ASIC2: variants seen among roughly 807,000 people sequenced by gnomAD.
ASIC2 encodes acid sensing ion channel subunit 2.
In ASIC2, 25 loss-of-function variants were observed where a neutral mutation model predicts 57.3. The observed-to-expected ratio is 0.44, with a 90% CI of 0.32 to 0.61. ASIC2 has a LOEUF of 0.61. Ranked by LOEUF, ASIC2 falls within the 20% of genes least tolerant of loss-of-function variation. The probability of loss-of-function intolerance (pLI) is 0.06; values close to 1 mark genes in which losing one functional copy is unlikely to be tolerated. For missense variants in ASIC2, 641 were observed against 738.1 expected, an observed-to-expected ratio of 0.87 and a Z score of 1.52; for synonymous variants, 319 against 307.5, an observed-to-expected ratio of 1.04 and a Z score of -0.39.
At position 33,070,621 on chromosome 17, in the gene ASIC2, C is replaced by G. The variant is rs145362353; in HGVS notation, c.987+18242G>C. On this transcript the variant is annotated intron_variant, in intron 3 of 9. Coordinates refer to ENST00000225823, the MANE Select transcript of ASIC2 (RefSeq NM_183377.2). ...AAAGTGCTGGGATTACAGGTGTGAG[C>G]CACCACGCCCAGCCTTTTGCCACTA... Among the ~76,000 whole-genome samples the G allele has an allele frequency of 1.8e-3, 281 of 152,282 alleles. 3 individuals carry two copies. The highest frequency in any genetic ancestry group is 6.2e-3 in the African/African-American group (258 of 41,562).
chr17:33,387,710 C>G (rs1029774813), intron 1 of ASIC2, among the ~76,000 whole-genome samples: 10 of 152,206 alleles, frequency 6.6e-5, no homozygotes, highest in African/African-American at 2.4e-4. Context: ...GCCCGGAAAG[C>G]AATCTTCTAA....
chr17:33,603,290 A>C (rs1905152500), intron 1 of ASIC2, among the ~76,000 whole-genome samples: 1 of 152,190 alleles, frequency 6.6e-6, no homozygotes, highest in Non-Finnish European at 1.5e-5. Flanking sequence ...TTCCCCACTA[A>C]GGAGGCATCT....
chr17:33,925,972 T>C (rs1915814493), intron 1 of ASIC2, among the ~76,000 whole-genome samples: 1 of 152,216 alleles, frequency 6.6e-6, no homozygotes, highest in Admixed American at 6.6e-5. Context: ...TTTTTTTAGA[T>C]GCAGAAGGCT....
chr17:33,651,252 C>A (rs1240284447), intron 1 of ASIC2, among the ~76,000 whole-genome samples: 2 of 151,944 alleles, frequency 1.3e-5, no homozygotes, highest in Non-Finnish European at 2.9e-5. Flanking sequence ...TGGTTTTGAT[C>A]ATTTGTTATG....
chr17:33,723,609 A>G (rs568475044), intron 1 of ASIC2, among the ~76,000 whole-genome samples: 74 of 152,346 alleles, frequency 4.9e-4, no homozygotes, highest in African/African-American at 1.6e-3. Flanking sequence ...GATTACAGGC[A>G]TATGCCACTG....
intron 1 of ASIC2, chr17:34,005,621 A>C (rs1906499946): frequency 6.6e-6 from 1 of 152,220 alleles, no homozygotes; most frequent in South Asian, 2.1e-4. Context: ...CTGGGCCACC[A>C]TTCATATAGA....
chr17:33,632,652 C>G (rs568829494), intron 1 of ASIC2, among the ~76,000 whole-genome samples: 3 of 152,176 alleles, frequency 2.0e-5, no homozygotes, highest in African/African-American at 7.2e-5. Context: ...CCATGCTGAT[C>G]CCAAACTCCT....
chr17:33,236,662 T>C (rs1908307083), intron 1 of ASIC2, among the ~76,000 whole-genome samples: 1 of 152,092 alleles, frequency 6.6e-6, no homozygotes, highest in South Asian at 2.1e-4. Context: ...TCTTTAGAGA[T>C]GTAATTAGTT....
chr17:33,790,096 C>T (rs1911726163), intron 1 of ASIC2, among the ~76,000 whole-genome samples: 2 of 152,110 alleles, frequency 1.3e-5, no homozygotes, highest in South Asian at 4.1e-4. Flanking sequence ...TTCCTTTTTT[C>T]AGCAACGTAT....
chr17:33,789,793 G>A (rs1911714063), intron 1 of ASIC2, among the ~76,000 whole-genome samples: 1 of 152,180 alleles, frequency 6.6e-6, no homozygotes, highest in African/African-American at 2.4e-5. Flanking sequence ...TCACTTCTGT[G>A]CGTAGTTAAA....
At chr17:33,961,119 G>T (rs1207235186) in intron 1 of ASIC2, among the ~76,000 whole-genome samples, 2 of 152,172 alleles carry the variant, frequency 1.3e-5, no homozygotes, top group Non-Finnish European at 2.9e-5. Context: ...GAAGGGAAAG[G>T]AAGGAAAATC....
At chr17:33,879,012 T>G (rs1431301753) in intron 1 of ASIC2, among the ~76,000 whole-genome samples, 7 of 152,100 alleles carry the variant, frequency 4.6e-5, no homozygotes, top group African/African-American at 1.7e-4. Context: ...AAGCTAAGCT[T>G]CATAAGTGAA....
chr17:33,964,956 A>C (rs1905033810), intron 1 of ASIC2, among the ~76,000 whole-genome samples: 1 of 152,156 alleles, frequency 6.6e-6, no homozygotes, highest in African/African-American at 2.4e-5. Context: ...TAACAGGACA[A>C]AGTGCTCACG....
At position 33,684,882 on chromosome 17, in the gene ASIC2, G is replaced by A. The variant is rs189778806; in HGVS notation, c.555+471096C>T. Among the ~76,000 whole-genome samples the A allele has an allele frequency of 1.7e-4, 26 of 152,150 alleles. No homozygotes were observed. The East Asian group carries it at 3.5e-3, about 20-fold the overall frequency. On this transcript the variant is annotated intron_variant, in intron 1 of 9. Transcript: ENST00000359872. ...GTGGGAATACCATTGTGTTCTGTAC[G>A]GAGCTGGAAAAATACATAACAGCAG...
intron 1 of ASIC2, among the ~76,000 whole-genome samples, chr17:33,554,851 T>C (rs1915858354): frequency 6.6e-6 from 1 of 152,114 alleles, no homozygotes; most frequent in Non-Finnish European, 1.5e-5. Flanking sequence ...TCAGTGAGAC[T>C]TTTAAGACTG....
intron 1 of ASIC2, among the ~76,000 whole-genome samples, chr17:34,139,471 A>G (rs570931547): frequency 2.4e-4 from 37 of 152,364 alleles, no homozygotes; most frequent in African/African-American, 8.4e-4. Flanking sequence ...AAAAATGGAA[A>G]TGACTCAAAT....
chr17:33,571,021 T>C (rs1916417267), intron 1 of ASIC2, among the ~76,000 whole-genome samples: 1 of 152,190 alleles, frequency 6.6e-6, no homozygotes, highest in African/African-American at 2.4e-5. Flanking sequence ...ACTCTTTTGA[T>C]GGGAGGAGAT....
chr17:33,729,975 C>T (rs1357868709), intron 1 of ASIC2, among the ~76,000 whole-genome samples: 2 of 152,166 alleles, frequency 1.3e-5, no homozygotes, highest in African/African-American at 4.8e-5. Context: ...ATGATCTTCC[C>T]ACACCTCACT....
chr17:33,457,462 G>T (rs901907576), intron 1 of ASIC2, among the ~76,000 whole-genome samples: 4 of 152,194 alleles, frequency 2.6e-5, no homozygotes, highest in African/African-American at 9.6e-5. Context: ...TTTATCACCA[G>T]AGCCAAAATA....
Sources: allele counts gnomAD v4.1 joint callset (sites outside exome capture counted in the v4.1 genomes callset), GRCh38; gene constraint gnomAD v4.1.1; transcripts MANE v1.5; gene names NCBI Gene and HGNC (gene_info 2026-07-23, HGNC 2026-07-21).